The following MAP2K5 variants were observed in gnomAD, a reference collection of about 807,000 sequenced individuals.
The protein encoded by MAP2K5 is mitogen-activated protein kinase kinase 5.
Under a neutral mutation model 83.1 loss-of-function variants are expected in MAP2K5, and 49 were observed. The ratio of observed to expected loss-of-function variants is 0.59; its 90% CI spans 0.47 to 0.75. The LOEUF is 0.75. Among genes scored for constraint, MAP2K5 ranks in the 30% least tolerant of loss-of-function variants. The probability of loss-of-function intolerance (pLI) is 0.00; values close to 1 mark genes in which losing one functional copy is unlikely to be tolerated. For synonymous variants in MAP2K5, 202 were observed against 191.8 expected, an observed-to-expected ratio of 1.05 and a Z score of -0.44; for missense variants, 457 against 557.5, an observed-to-expected ratio of 0.82 and a Z score of 1.82.
In MAP2K5 at chr15:67,786,119, G is replaced by T. The variant is rs1434523382; in HGVS notation, c.1242+13367G>T. Among the ~76,000 whole-genome samples, 1 of 152,084 alleles carries T rather than the reference G, an allele frequency of 6.6e-6. No homozygotes were observed. Among genetic ancestry groups the T allele is most frequent in the Non-Finnish European group, 1.5e-5 (1 of 68,018 alleles). Reference sequence around the variant, plus strand: ...GGCACGAGGTCATTCAGCCTCTTTGGGTCATGATTTTCTCATCTGTCTGAT... The same window carrying T: ...GGCACGAGGTCATTCAGCCTCTTTGTGTCATGATTTTCTCATCTGTCTGAT... On this transcript the variant is annotated intron_variant, in intron 21 of 21. Coordinates refer to ENST00000178640, the MANE Select transcript of MAP2K5 (RefSeq NM_145160.3). This position sits in a 1 kb window ranked among gnomAD's most constrained non-coding sequence, Gnocchi z 4.7.
At position 67,728,292 on chromosome 15, in the gene MAP2K5, A is replaced by T. The variant is rs200829723; in HGVS notation, c.1074+347A>T. ...TTTTAAGCTCTTAAATTCACTTAAAATTTTTTGAGTTAAAAGATTAAGACA... is the reference window on the plus strand; with the variant it reads ...TTTTAAGCTCTTAAATTCACTTAAATTTTTTTGAGTTAAAAGATTAAGACA... On this transcript the variant is annotated intron_variant, in intron 17 of 21. Coordinates refer to ENST00000178640, the MANE Select transcript of MAP2K5 (RefSeq NM_145160.3). Among the ~76,000 whole-genome samples, 25 of 152,254 alleles carry T rather than the reference A, an allele frequency of 1.6e-4. No homozygotes were observed. The East Asian group carries it at 4.8e-3, about 29-fold the overall frequency.
chr15:67,612,341 C>A (rs2085944055), intron 8 of MAP2K5, among the ~76,000 whole-genome samples: 1 of 152,064 alleles, frequency 6.6e-6, no homozygotes, highest in African/African-American at 2.4e-5. Context: ...CAGAATGTTG[C>A]CTAATTTTTG....
At chr15:67,767,811 T>C (rs1486831521) in intron 19 of MAP2K5, among the ~76,000 whole-genome samples, 1 of 152,190 alleles carries the variant, frequency 6.6e-6, no homozygotes, top group Non-Finnish European at 1.5e-5. Context: ...TCCACCTCCG[T>C]TTTTCATGTC....
chr15:67,789,262 A>T, intron 21 of MAP2K5, among the ~76,000 whole-genome samples: 1 of 152,100 alleles, frequency 6.6e-6, no homozygotes. Context: ...CTGTCATAGG[A>T]TATTTTGACC....
chr15:67,734,122 A>T (rs1288188170), intron 17 of MAP2K5, among the ~76,000 whole-genome samples: 1 of 152,258 alleles, frequency 6.6e-6, no homozygotes, highest in South Asian at 2.1e-4. Flanking sequence ...AAAGCTACTT[A>T]TCTGAGCACT....
chr15:67,602,084 A>G lies in MAP2K5; in HGVS notation c.545+1335A>G, dbSNP rs574085503. Among the ~76,000 whole-genome samples the G allele has an allele frequency of 3.9e-5, 6 of 152,358 alleles. No homozygotes were observed. The South Asian group carries it at 1.0e-3, about 26-fold the overall frequency. Reference sequence around the variant, plus strand: ...GGCCTGGCCCTTAAAATTGAGGTCCAATGTGTCTAATGATTTTTGCGGCTA... The same window carrying G: ...GGCCTGGCCCTTAAAATTGAGGTCCGATGTGTCTAATGATTTTTGCGGCTA... On this transcript the variant is annotated intron_variant, in intron 8 of 21. Transcript: ENST00000178640.
At chr15:67,696,478 CT>C (rs1440749069) in intron 15 of MAP2K5, among the ~76,000 whole-genome samples, 3 of 152,142 alleles carry the variant, frequency 2.0e-5, no homozygotes, top group African/African-American at 7.2e-5. Flanking sequence ...TTGCCAGCCC[CT>C]GATCTATGCC....
At chr15:67,703,514 T>C in intron 16 of MAP2K5, 106 bp downstream of exon 16, 2 of 883,916 alleles carry the variant, frequency 2.3e-6, no homozygotes, top group Middle Eastern at 2.7e-4. Context: ...CTTCAGCATG[T>C]TATATAGATG....
intron 2 of MAP2K5, among the ~76,000 whole-genome samples, chr15:67,554,060 T>C (rs2084572249): frequency 1.3e-5 from 2 of 151,650 alleles, no homozygotes; most frequent in Non-Finnish European, 2.9e-5. Context: ...CTTATAGTAA[T>C]ACATTTTTGG....
chr15:67,673,019 A>G (rs1218994218), intron 13 of MAP2K5, among the ~76,000 whole-genome samples: 1 of 151,974 alleles, frequency 6.6e-6, no homozygotes, highest in Non-Finnish European at 1.5e-5. Flanking sequence ...CCATTGATCT[A>G]TATCTCTGTT....
chr15:67,730,011 A>G (rs567935262), intron 17 of MAP2K5, among the ~76,000 whole-genome samples: 2 of 152,306 alleles, frequency 1.3e-5, no homozygotes, highest in Admixed American at 6.5e-5. Flanking sequence ...TCATGATAGA[A>G]TGTTGTCACC....
At chr15:67,745,094 G>C (rs1169347601) in intron 17 of MAP2K5, among the ~76,000 whole-genome samples, 1 of 152,118 alleles carries the variant, frequency 6.6e-6, no homozygotes, top group African/African-American at 2.4e-5. Flanking sequence ...ACTAGTTCTA[G>C]AGACTGATTA....
intron 3 of MAP2K5, among the ~76,000 whole-genome samples, chr15:67,571,230 A>G (rs891723272): frequency 6.6e-6 from 1 of 152,202 alleles, no homozygotes; most frequent in Non-Finnish European, 1.5e-5. Context: ...GAAAATTCAC[A>G]TAATGCAGCA....
At chr15:67,707,025 C>T (rs1271857484) in intron 16 of MAP2K5, among the ~76,000 whole-genome samples, 2 of 152,196 alleles carry the variant, frequency 1.3e-5, no homozygotes, top group Non-Finnish European at 2.9e-5. Context: ...AAGTGATTCT[C>T]CTGCCTCAGC....
intron 12 of MAP2K5, among the ~76,000 whole-genome samples, chr15:67,661,825 T>C (rs932542157): frequency 4.6e-5 from 7 of 152,108 alleles, no homozygotes; most frequent in Non-Finnish European, 1.0e-4. Context: ...TTAACCCTTC[T>C]TCCTCAGAAT....
intron 8 of MAP2K5, among the ~76,000 whole-genome samples, chr15:67,617,093 G>T (rs562719325): frequency 6.6e-6 from 1 of 152,040 alleles, no homozygotes; most frequent in African/African-American, 2.4e-5. Flanking sequence ...ATGCAATTAC[G>T]CTCCAGGTCT....
chr15:67,796,614 C>A (rs2090609018), intron 21 of MAP2K5, among the ~76,000 whole-genome samples: 1 of 152,226 alleles, frequency 6.6e-6, no homozygotes, highest in African/African-American at 2.4e-5. Flanking sequence ...GATTACATTT[C>A]AACATGTGAT....
Position 67,640,184 on chromosome 15 carries a change from G to T in MAP2K5, c.586-6047G>T, listed in dbSNP as rs748708915. ...TATAGTACAAAGCATTACACATAAC[G>T]AGTAAGTGTTCAATACATAATTTGT... is the stretch of plus-strand genomic sequence containing the variant. On this transcript the variant is annotated intron_variant, in intron 9 of 21. Transcript: ENST00000178640. This position sits in a 1 kb window ranked among gnomAD's most constrained non-coding sequence, Gnocchi z 4.6. Among the ~76,000 whole-genome samples, 11 of 152,280 alleles carry T rather than the reference G, an allele frequency of 7.2e-5. No individual in the cohort carries two copies. Among genetic ancestry groups the T allele is most frequent in the Admixed American group, 2.0e-4 (3 of 15,292 alleles).
In MAP2K5 at chr15:67,738,208, C is replaced by A. The variant is rs1299929776; in HGVS notation, c.1075-10023C>A. Among the ~76,000 whole-genome samples, 2 of 152,038 alleles carry A rather than the reference C, an allele frequency of 1.3e-5. No homozygotes were observed. The highest frequency in any genetic ancestry group is 2.9e-5 in the Non-Finnish European group (2 of 68,014). Reference sequence around the variant, plus strand: ...GCCTACAGGTTCAGAGGAGGAGAGACCAAAGGGGTAATGAAGCTTGTCTTG... The same window carrying A: ...GCCTACAGGTTCAGAGGAGGAGAGAACAAAGGGGTAATGAAGCTTGTCTTG... On this transcript the variant is annotated intron_variant, in intron 17 of 21. Transcript: ENST00000178640. This position sits in a 1 kb window ranked among gnomAD's most constrained non-coding sequence, Gnocchi z 4.1.
Sources: gnomAD v4.1 joint callset for allele counts (sites outside exome capture counted in the v4.1 genomes callset) on GRCh38, gnomAD v4.1.1 for gene constraint, Gnocchi (gnomAD v3.1) non-coding constraint, MANE v1.5 for transcripts, NCBI Gene and HGNC (gene_info 2026-07-23, HGNC 2026-07-21) for gene names.